The following VSIG1 variants were observed in gnomAD, a reference collection of about 807,000 sequenced individuals.
The protein encoded by VSIG1 is V-set and immunoglobulin domain-containing protein 1.
Under a neutral mutation model 20.1 loss-of-function variants are expected in VSIG1, and 11 were observed. The observed-to-expected ratio is 0.55, with a 90% confidence interval of 0.34 to 0.91. The LOEUF (loss-of-function observed/expected upper bound fraction) is 0.91. Ranked by LOEUF, VSIG1 falls within the 40% of genes least tolerant of loss-of-function variation. The pLI is 0.02. For missense variants in VSIG1, 283 were observed against 298.8 expected (o/e 0.95, Z 0.39); for synonymous variants, 126 against 116.7 (o/e 1.08, Z -0.52).
chrX:108,019,320 A>T, the VSIG1 span, among the ~76,000 whole-genome samples: 2 of 111,998 alleles, frequency 1.8e-5, no homozygotes, highest in Non-Finnish European at 3.8e-5. Context: ...GCAGTCCCTG[A>T]TGTGCTTGTG....
chrX:108,064,823 A>G lies in VSIG1; in HGVS notation c.214-2113A>G, dbSNP rs17320157. 6,464 of 668,459 alleles carry G rather than the reference A, an allele frequency of 9.7e-3. 29 individuals are homozygous for G. The highest frequency in any genetic ancestry group is 0.019 in the Middle Eastern group (21 of 1,128). 55.1% of individuals were successfully genotyped at this position (668,459 alleles called of 1,213,427 possible). On this transcript the variant is annotated intron_variant, in intron 2 of 6. Coordinates refer to ENST00000217957, the MANE Select transcript of VSIG1 (RefSeq NM_182607.5). ...ACAAGACCTCAAACTGTCAATTAGA[A>G]AGTAAATAAGCCCCATGCTGCCTAG...
In VSIG1 at chrX:108,047,871, CACATATATATATATACACACATAT is replaced by C. The variant is rs1569287156; in HGVS notation, c.49+2694_49+2717del. Among the ~76,000 whole-genome samples the C allele has an allele frequency of 4.2e-4, 12 of 28,782 alleles. 1 individual carries two copies. The highest frequency in any genetic ancestry group is 2.6e-3 in the African/African-American group (12 of 4,628). The allele number at this position is 28,782 out of a possible 115,157, so 25.0% of individuals were successfully genotyped here. On this transcript the variant is annotated intron_variant, in intron 1 of 6. Transcript: ENST00000217957. ...ATATATATATACACATATATATATACACATATATATATATACACACATATATATATATACACATATATATATACA... is the reference window on the plus strand; with the variant it reads ...ATATATATATACACATATATATATACATATATATACACATATATATATACA...
chrX:108,047,400 A>G (rs925966123), intron 1 of VSIG1, among the ~76,000 whole-genome samples: 2 of 111,635 alleles, frequency 1.8e-5, no homozygotes, highest in African/African-American at 6.5e-5. Context: ...AAATTTATGC[A>G]TATCATTTTA....
intron 3 of VSIG1, among the ~76,000 whole-genome samples, chrX:108,068,388 T>C (rs932963533): frequency 1.8e-5 from 2 of 112,074 alleles, no homozygotes; most frequent in African/African-American, 6.5e-5. Context: ...TAGTCTATTC[T>C]TGCATTGCTG....
intron 1 of VSIG1, among the ~76,000 whole-genome samples, chrX:108,057,599 G>A (rs772946765): frequency 9.0e-6 from 1 of 111,278 alleles, no homozygotes; most frequent in Non-Finnish European, 1.9e-5. Context: ...AATTATCGAG[G>A]ACCCCAAAAA....
chrX:108,069,638 A>G (rs2031200049), intron 3 of VSIG1, among the ~76,000 whole-genome samples: 1 of 111,669 alleles, frequency 9.0e-6, no homozygotes, highest in Admixed American at 9.5e-5. Flanking sequence ...GTTACCCAGC[A>G]GTGAGCATCA....
chrX:108,057,095 G>A (rs1408113041), intron 1 of VSIG1, among the ~76,000 whole-genome samples: 1 of 111,693 alleles, frequency 9.0e-6, no homozygotes, highest in African/African-American at 3.3e-5. Context: ...CAGCAACTTG[G>A]GTGAAATTTT....
At chrX:108,047,875 T>TATATATATATAC (rs2030645853) in intron 1 of VSIG1, among the ~76,000 whole-genome samples, 1 of 28,743 alleles carries the variant, frequency 3.5e-5, no homozygotes, top group Non-Finnish European at 5.3e-5. Context: ...TATATACACA[T>TATATATATATAC]ATATATATAT....
rs746070500 is a variant in VSIG1, at chrX:108,077,105, T to C, written c.888T>C (p.Ala296=). The C allele has an allele frequency of 1.9e-5, 23 of 1,210,314 alleles. No homozygotes were observed. In the African/African-American group the frequency reaches 4.0e-4, roughly 21 times the overall value. ...GCGAAGCAATGCCAAGAGAAGACGC[T>C]ACCCAACTAGAAGTAACTCTACCAT... is the stretch of plus-strand genomic sequence containing the variant. The part of the protein sequence containing the change: ...GESEAMPRED[A]TQLEVTLPSS... Residue 296 remains alanine, a synonymous_variant, in exon 7 of 7, where the codon GCT becomes GCC. Transcript: ENST00000217957.
intron 5 of VSIG1, 120 bp downstream of exon 5, chrX:108,073,489 C>T: frequency 1.2e-6 from 1 of 846,636 alleles, no homozygotes; most frequent in Non-Finnish European, 1.7e-6. Flanking sequence ...GATTTGTGTG[C>T]TTTATATACA....
chrX:108,020,862 A>G, the VSIG1 span, among the ~76,000 whole-genome samples: 1 of 111,521 alleles, frequency 9.0e-6, no homozygotes, highest in Non-Finnish European at 1.9e-5. Context: ...TCATGCCTGG[A>G]GATCTGTGGA....
chrX:108,048,092 C>T (rs950133477), intron 1 of VSIG1, among the ~76,000 whole-genome samples: 1 of 100,795 alleles, frequency 9.9e-6, no homozygotes, highest in East Asian at 3.1e-4. Flanking sequence ...CAACTTCCGC[C>T]TTCCGGGTTC....
At position 108,076,067 on chromosome X, in the gene VSIG1, T is replaced by G; in HGVS notation, c.689-10T>G. ...TTCCACTTTATTAACCAGCTGCTTG[T>G]ATCCTTCAGATCCAGAAGTTGGAAT... On this transcript the variant is annotated splice_polypyrimidine_tract_variant and intron_variant, in intron 5 of 6. Coordinates refer to ENST00000217957, the MANE Select transcript of VSIG1 (RefSeq NM_182607.5). 1 of 1,210,375 alleles carries G rather than the reference T, an allele frequency of 8.3e-7. No homozygotes were observed. Among genetic ancestry groups the G allele is most frequent in the Non-Finnish European group, 1.1e-6 (1 of 894,876 alleles).
At chrX:108,039,394 C>T in the VSIG1 span, among the ~76,000 whole-genome samples, 1 of 110,732 alleles carries the variant, frequency 9.0e-6, no homozygotes, top group Non-Finnish European at 1.9e-5. Context: ...GGGGTTTCAT[C>T]ACGTTGGCCA....
At chrX:108,025,559 G>A in the VSIG1 span, among the ~76,000 whole-genome samples, 1 of 112,295 alleles carries the variant, frequency 8.9e-6, no homozygotes, top group Non-Finnish European at 1.9e-5. Context: ...AAATATATGC[G>A]CAATTGTGTG....
At chrX:108,033,606 T>C in the VSIG1 span, among the ~76,000 whole-genome samples, 3 of 111,678 alleles carry the variant, frequency 2.7e-5, no homozygotes, top group Non-Finnish European at 3.8e-5. Context: ...TGAGAGACCA[T>C]CTCCAGGGGT....
At chrX:108,037,122 G>A in the VSIG1 span, among the ~76,000 whole-genome samples, 3 of 111,328 alleles carry the variant, frequency 2.7e-5, no homozygotes, top group Non-Finnish European at 5.7e-5. Flanking sequence ...TTGCCCAAGG[G>A]GTTTTTGAAA....
intron 4 of VSIG1, 87 bp downstream of exon 4, chrX:108,072,919 A>T (rs1344801453): frequency 8.2e-6 from 8 of 976,322 alleles, no homozygotes; most frequent in Non-Finnish European, 9.8e-6. Context: ...GCTTGACCTT[A>T]CAGTTCAATC....
chrX:108,022,393 A>G, the VSIG1 span, among the ~76,000 whole-genome samples: 1 of 111,915 alleles, frequency 8.9e-6, no homozygotes, highest in African/African-American at 3.2e-5. Context: ...TCAAGTATTA[A>G]TCTTATATCC....
Sources: gnomAD v4.1 joint callset for allele counts (sites outside exome capture counted in the v4.1 genomes callset) on GRCh38, gnomAD v4.1.1 for gene constraint, MANE v1.5 for transcripts, NCBI Gene and HGNC (gene_info 2026-07-23, HGNC 2026-07-21) for gene names.